The following PTPRD variants were observed in gnomAD, a reference collection of about 807,000 sequenced individuals.
PTPRD encodes the protein protein tyrosine phosphatase receptor type D.
Under a neutral mutation model 214.5 loss-of-function variants are expected in PTPRD, and 34 were observed. The ratio of observed to expected loss-of-function variants is 0.16; its 90% confidence interval spans 0.12 to 0.21. The LOEUF is 0.21. Ranked by LOEUF, PTPRD falls within the 10% of genes least tolerant of loss-of-function variation. The probability of loss-of-function intolerance (pLI) is 1.00; values close to 1 mark genes in which losing one functional copy is unlikely to be tolerated. For synonymous variants in PTPRD, 1,128 were observed against 845.7 expected, an observed-to-expected ratio of 1.33 and a Z score of -5.79; for missense variants, 2,545 against 2,398.7, an observed-to-expected ratio of 1.06 and a Z score of -1.27.
chr9:8,488,535 T>C (rs1445955921), intron 27 of PTPRD, among the ~76,000 whole-genome samples: 4 of 152,238 alleles, frequency 2.6e-5, no homozygotes, highest in Non-Finnish European at 4.4e-5. Context: ...CATTGTGTAC[T>C]CATTGTGTTC....
intron 11 of PTPRD, among the ~76,000 whole-genome samples, chr9:8,909,154 A>T (rs1256471533): frequency 6.6e-6 from 1 of 152,046 alleles, no homozygotes; most frequent in Admixed American, 6.6e-5. Flanking sequence ...TCTCATAAAG[A>T]TAAGCCCAAG....
At chr9:9,967,061 T>C (rs925581749) in intron 4 of PTPRD, among the ~76,000 whole-genome samples, 4 of 152,144 alleles carry the variant, frequency 2.6e-5, no homozygotes, top group African/African-American at 7.2e-5. Flanking sequence ...ATGTCTCCAA[T>C]GGCTGAGAAC....
intron 9 of PTPRD, among the ~76,000 whole-genome samples, chr9:9,341,266 C>T (rs1213520355): frequency 6.6e-6 from 1 of 152,106 alleles, no homozygotes; most frequent in Non-Finnish European, 1.5e-5. Flanking sequence ...CATCTGTAGG[C>T]TCAGCCTGAC....
chr9:9,693,434 C>T (rs1409866164), intron 7 of PTPRD, among the ~76,000 whole-genome samples: 1 of 152,096 alleles, frequency 6.6e-6, no homozygotes, highest in African/African-American at 2.4e-5. Flanking sequence ...CTTCTTCCAC[C>T]ATAATTGTAA....
intron 9 of PTPRD, among the ~76,000 whole-genome samples, chr9:9,298,965 A>C (rs963903781): frequency 1.3e-5 from 2 of 151,820 alleles, no homozygotes; most frequent in Non-Finnish European, 2.9e-5. Context: ...AAAGACTTAA[A>C]TGTGTTTGCT....
chr9:9,907,685 C>G (rs1344134404), intron 5 of PTPRD, among the ~76,000 whole-genome samples: 1 of 151,900 alleles, frequency 6.6e-6, no homozygotes, highest in East Asian at 1.9e-4. Context: ...ACAATTCAGT[C>G]CCATAAAAGT....
rs532266385 is a variant in PTPRD, at chr9:10,102,526, C to A, written c.-544-68736G>T. Among the ~76,000 whole-genome samples the A allele has an allele frequency of 4.0e-5, 6 of 151,580 alleles. No individual in the cohort carries two copies. The South Asian group carries it at 1.2e-3, about 31-fold the overall frequency. The stretch of plus-strand genomic sequence containing the variant: ...ATGTCACAACATCTACCATCCCTTG[C>A]TGGATTATTATTATATTACTTATAT... On this transcript the variant is annotated intron_variant, in intron 3 of 45. Transcript: ENST00000381196.
At chr9:8,447,823 G>A (rs2095794594) in intron 34 of PTPRD, among the ~76,000 whole-genome samples, 1 of 152,282 alleles carries the variant, frequency 6.6e-6, no homozygotes, top group African/African-American at 2.4e-5. Flanking sequence ...GTGAAAAACA[G>A]AGGAAGGAGG....
At position 9,173,856 on chromosome 9, in the gene PTPRD, T is replaced by C. The variant is rs140457605; in HGVS notation, c.-143+9448A>G. On this transcript the variant is annotated intron_variant, in intron 10 of 45. Coordinates refer to ENST00000381196, the MANE Select transcript of PTPRD (RefSeq NM_002839.4). ...TTACCATTGGCCTCCCCTACTCTAA[T>C]GTGTTCTTGTTCAACACTGTATCCC... Among the ~76,000 whole-genome samples the C allele has an allele frequency of 3.4e-3, 522 of 152,230 alleles. 1 individual carries two copies. The highest frequency in any genetic ancestry group is 6.0e-3 in the Non-Finnish European group (408 of 67,986).
At chr9:9,293,183 T>G (rs1450071278) in intron 9 of PTPRD, among the ~76,000 whole-genome samples, 1 of 151,598 alleles carries the variant, frequency 6.6e-6, no homozygotes, top group Non-Finnish European at 1.5e-5. Flanking sequence ...AGGAGATTTG[T>G]CTATTCTTCA....
At chr9:9,548,324 C>T (rs2079304196) in intron 8 of PTPRD, among the ~76,000 whole-genome samples, 1 of 151,154 alleles carries the variant, frequency 6.6e-6, no homozygotes, top group South Asian at 2.1e-4. Flanking sequence ...GTAAGCTAAT[C>T]ATTCAATTAA....
intron 11 of PTPRD, among the ~76,000 whole-genome samples, chr9:8,752,224 A>G (rs1310586371): frequency 6.6e-6 from 1 of 152,156 alleles, no homozygotes; most frequent in Non-Finnish European, 1.5e-5. Context: ...TACAGGTCAT[A>G]AAGATCTTGC....
chr9:10,137,948 C>A (rs536543440), intron 3 of PTPRD, among the ~76,000 whole-genome samples: 1 of 151,738 alleles, frequency 6.6e-6, no homozygotes, highest in Non-Finnish European at 1.5e-5. Flanking sequence ...TAGAAATATA[C>A]CAAATTAATA....
At chr9:9,614,797 G>A (rs988855447) in intron 7 of PTPRD, among the ~76,000 whole-genome samples, 2 of 152,142 alleles carry the variant, frequency 1.3e-5, no homozygotes, top group Admixed American at 6.5e-5. Context: ...GCAGAACACA[G>A]TATTTGAACA....
chr9:8,464,979 G>C (rs545736920), intron 32 of PTPRD, among the ~76,000 whole-genome samples: 18 of 151,962 alleles, frequency 1.2e-4, no homozygotes, highest in African/African-American at 4.3e-4. Flanking sequence ...GGCAGATATA[G>C]GAGAATAAAT....
intron 2 of PTPRD, among the ~76,000 whole-genome samples, chr9:10,592,295 C>A (rs912940322): frequency 1.3e-5 from 2 of 152,086 alleles, no homozygotes; most frequent in Middle Eastern, 3.4e-3. Flanking sequence ...TAGACTAAAT[C>A]TCACCAAATG....
intron 10 of PTPRD, among the ~76,000 whole-genome samples, chr9:9,060,516 T>C (rs2099705126): frequency 6.6e-6 from 1 of 152,018 alleles, no homozygotes; most frequent in Non-Finnish European, 1.5e-5. Context: ...ACTAATTATG[T>C]TGTAGTAATA....
intron 10 of PTPRD, among the ~76,000 whole-genome samples, chr9:9,162,199 T>A (rs2099890920): frequency 6.6e-6 from 1 of 152,160 alleles, no homozygotes; most frequent in Non-Finnish European, 1.5e-5. Context: ...TGCTAAACAC[T>A]GCTACAAAAT....
chr9:10,361,538 T>C (rs557487836), intron 2 of PTPRD, among the ~76,000 whole-genome samples: 5 of 152,260 alleles, frequency 3.3e-5, no homozygotes, highest in African/African-American at 1.2e-4. Flanking sequence ...ACAAGTAGCA[T>C]GTATACAGTT....
Sources: gnomAD v4.1 joint callset for allele counts (sites outside exome capture counted in the v4.1 genomes callset) on GRCh38, gnomAD v4.1.1 for gene constraint, MANE v1.5 for transcripts, NCBI Gene and HGNC (gene_info 2026-07-23, HGNC 2026-07-21) for gene names.